RYR3: variants seen among roughly 807,000 people sequenced by gnomAD.
RYR3 encodes the protein brain ryanodine receptor-calcium release channel.
Under a neutral mutation model 584.3 loss-of-function variants are expected in RYR3, and 207 were observed. The observed-to-expected ratio is 0.35, with a 90% CI of 0.32 to 0.40. The LOEUF (loss-of-function observed/expected upper bound fraction) is 0.40, where lower values mean the gene tolerates loss of function less well. Ranked by LOEUF, RYR3 falls within the 10% of genes least tolerant of loss-of-function variation. RYR3 has a pLI of 1.00. For missense variants in RYR3, 5,616 were observed against 6,089.2 expected (o/e 0.92, Z 2.59); for synonymous variants, 2,416 against 2,248.5 (o/e 1.07, Z -2.11).
At chr15:33,674,791 G>GAA (rs10714497) in intron 38 of RYR3, among the ~76,000 whole-genome samples, 1 of 133,624 alleles carries the variant, frequency 7.5e-6, no homozygotes, top group African/African-American at 2.9e-5. Context: ...CATTTTTAAT[G>GAA]AAAAAAAAAA....
At chr15:33,788,567 C>A in intron 67 of RYR3, 109 bp downstream of exon 67, 1 of 1,234,876 alleles carries the variant, frequency 8.1e-7, no homozygotes, top group Non-Finnish European at 1.1e-6. Flanking sequence ...ATAAAGGAGG[C>A]GATAGCCGCC....
intron 70 of RYR3, chr15:33,807,857 A>T (rs577932930): frequency 4.2e-6 from 2 of 472,972 alleles, no homozygotes; most frequent in East Asian, 3.7e-5. Flanking sequence ...CCACCACACT[A>T]ACAGAGATAG....
Position 33,772,088 on chromosome 15 carries a change from G to A in RYR3, c.8985G>A (p.Val2995=). 6.2e-7 allele frequency: 1 copy of A among 1,613,806 alleles called. No homozygotes were observed. The highest frequency in any genetic ancestry group is 8.5e-7 in the Non-Finnish European group (1 of 1,179,836). ...CTCAGAATATTAACTACACTACAGTGGCTCTGCTCCCCATCCTGACGTCCA... is the reference window on the plus strand; with the variant it reads ...CTCAGAATATTAACTACACTACAGTAGCTCTGCTCCCCATCCTGACGTCCA... The part of the protein sequence containing the change: ...GVSQNINYTT[V]ALLPILTSIF... The change falls in exon 63 of 104, where the codon GTG becomes GTA. Residue 2995 remains valine (V), a synonymous_variant. Coordinates refer to ENST00000634891, the MANE Select transcript of RYR3 (RefSeq NM_001036.6).
chr15:33,484,337 T>C (rs1164184040), intron 2 of RYR3, among the ~76,000 whole-genome samples: 1 of 152,142 alleles, frequency 6.6e-6, no homozygotes, highest in Admixed American at 6.5e-5. Flanking sequence ...AAGATAGAAC[T>C]ATAGGCATAT....
At chr15:33,385,018 G>C (rs2041485873) in intron 1 of RYR3, among the ~76,000 whole-genome samples, 1 of 152,126 alleles carries the variant, frequency 6.6e-6, no homozygotes, top group African/African-American at 2.4e-5. Context: ...CCTTAGATGT[G>C]CCAGCAAGGT....
intron 1 of RYR3, among the ~76,000 whole-genome samples, chr15:33,364,323 T>C (rs796405234): frequency 4.6e-5 from 7 of 152,294 alleles, no homozygotes; most frequent in African/African-American, 1.4e-4. Context: ...CACTCTCCTT[T>C]TTCTCTGAGT....
At position 33,800,841 on chromosome 15, in the gene RYR3, T is replaced by C. The variant is rs1418190119; in HGVS notation, c.9902T>C (p.Leu3301Pro). 1.4e-5 allele frequency: 23 copies of C among 1,613,084 alleles called. No individual in the cohort carries two copies. The highest frequency in any genetic ancestry group is 2.0e-5 in the Non-Finnish European group (23 of 1,179,026). Residue 3301 changes from leucine to proline, a missense_variant, in exon 68 of 104, where the codon CTG becomes CCG. By Grantham distance (98) the Leu-to-Pro change is moderately conservative (BLOSUM62 -3). This residue lies in a region of RYR3 where 954 missense variants were observed against 1,132.2 expected (regional missense o/e 0.84). Coordinates refer to ENST00000634891, the MANE Select transcript of RYR3 (RefSeq NM_001036.6). ...CGCATGGTGGCAGAAGTCTTCATTC[T>C]GTGGTGTAAATCTCATGTAAGAACA... ...LFRMVAEVFI[L>P]WCKSHNFKRE...
intron 1 of RYR3, among the ~76,000 whole-genome samples, chr15:33,452,283 C>G (rs142448619): frequency 3.0e-4 from 46 of 152,296 alleles, no homozygotes; most frequent in Non-Finnish European, 5.4e-4. Context: ...TTCTTTTTAA[C>G]TTCCAACTTT....
Position 33,788,331 on chromosome 15 carries a change from C to G in RYR3, c.9703C>G (p.Gln3235Glu), listed in dbSNP as rs764381413. Residue 3235 changes from glutamine to glutamate, a missense_variant, in exon 67 of 104, where the codon CAG becomes GAG. Transcript: ENST00000634891. ...KAVKTVQEEEQLKADGKGDTQ... is the reference protein window; with the variant it reads ...KAVKTVQEEEELKADGKGDTQ... ...TGTCAAGACGGTGCAGGAGGAGGAG[C>G]AGTTGAAAGCCGATGGCAAAGGGGA... 1 of 1,613,926 alleles carries G rather than the reference C, an allele frequency of 6.2e-7. No homozygotes were observed. Among genetic ancestry groups the G allele is most frequent in the South Asian group, 1.1e-5 (1 of 91,080 alleles).
chr15:33,316,151 T>C (rs1302540170), intron 1 of RYR3, among the ~76,000 whole-genome samples: 3 of 152,176 alleles, frequency 2.0e-5, no homozygotes, highest in Non-Finnish European at 4.4e-5. Context: ...GGAATTTATC[T>C]GGAGAGAAAA....
chr15:33,691,701 G>GTATTTTT, intron 38 of RYR3, among the ~76,000 whole-genome samples: 1 of 152,164 alleles, frequency 6.6e-6, no homozygotes, highest in African/African-American at 2.4e-5. Flanking sequence ...TTCTTTCTCT[G>GTATTTTT]TACCATTCTA....
chr15:33,573,294 A>AG (rs2058131679), intron 12 of RYR3, among the ~76,000 whole-genome samples: 1 of 152,230 alleles, frequency 6.6e-6, no homozygotes, highest in African/African-American at 2.4e-5. Flanking sequence ...GGAGAAAAAA[A>AG]CATTTTGAAG....
chr15:33,845,087 T>C, intron 93 of RYR3, 25 bp downstream of exon 93: 1 of 1,609,396 alleles, frequency 6.2e-7, no homozygotes, highest in Non-Finnish European at 8.5e-7. Context: ...ACTCTGGATC[T>C]AATCTCACTC....
chr15:33,783,650 A>G (rs188533386), intron 65 of RYR3, among the ~76,000 whole-genome samples: 1 of 152,372 alleles, frequency 6.6e-6, no homozygotes. Flanking sequence ...TCCCACGGCA[A>G]ATAGTTGTAA....
Position 33,581,832 on chromosome 15 carries a change from G to A in RYR3, c.1573+189G>A, listed in dbSNP as rs543941042. Among the ~76,000 whole-genome samples, 42 of 152,296 alleles carry A rather than the reference G, an allele frequency of 2.8e-4. No homozygotes were observed. The South Asian group carries it at 7.3e-3, about 26-fold the overall frequency. ...TGTTAACTAGTAGCAGCCAGTGGAA[G>A]CAGATGATAATCAGTTTCCCTGTAA... is the stretch of plus-strand genomic sequence containing the variant. On this transcript the variant is annotated intron_variant, in intron 14 of 103. Coordinates refer to ENST00000634891, the MANE Select transcript of RYR3 (RefSeq NM_001036.6).
At chr15:33,614,744 G>A (rs147183279) in intron 19 of RYR3, among the ~76,000 whole-genome samples, 42 of 151,412 alleles carry the variant, frequency 2.8e-4, no homozygotes, top group African/African-American at 1.0e-3. Context: ...TTTTTTATTG[G>A]TTTCAAATAT....
At chr15:33,836,506 A>G (rs942991068) in intron 87 of RYR3, among the ~76,000 whole-genome samples, 8 of 152,148 alleles carry the variant, frequency 5.3e-5, no homozygotes, top group Non-Finnish European at 8.8e-5. Context: ...CTTGGTGATT[A>G]TAACCTTGAT....
intron 2 of RYR3, among the ~76,000 whole-genome samples, chr15:33,474,734 C>CA (rs1193841536): frequency 6.6e-6 from 1 of 152,094 alleles, no homozygotes; most frequent in Non-Finnish European, 1.5e-5. Context: ...TAACATTTTC[C>CA]AAAAGACCCA....
chr15:33,630,051 T>C lies in RYR3; in HGVS notation c.2783+8T>C. On this transcript the variant is annotated splice_region_variant and intron_variant, in intron 22 of 103. Transcript: ENST00000634891. ...GTCAACTGAAACCTTAAAGTGAGTA[T>C]TTAATTGAGCTGAAGTTTTACAAAC... The C allele has an allele frequency of 6.7e-7, 1 of 1,491,070 alleles. No homozygotes were observed. The highest frequency in any genetic ancestry group is 9.2e-7 in the Non-Finnish European group (1 of 1,083,122). 92.4% of individuals were successfully genotyped at this position (1,491,070 alleles called of 1,614,324 possible).
Sources: allele counts gnomAD v4.1 joint callset (sites outside exome capture counted in the v4.1 genomes callset), GRCh38; gene constraint gnomAD v4.1.1; regional missense constraint gnomAD v4.1.1; transcripts MANE v1.5; gene names NCBI Gene and HGNC (gene_info 2026-07-23, HGNC 2026-07-21).